MINK1: variants seen among roughly 807,000 people sequenced by gnomAD.
The protein encoded by MINK1 is misshapen like kinase 1, also known as misshapen-like kinase 1.
In MINK1, 46 loss-of-function variants were observed where a neutral mutation model predicts 178.4. That is an observed-to-expected ratio of 0.26 (90% CI 0.20 to 0.33). MINK1 has a LOEUF of 0.33. MINK1 is among the 10% of genes least tolerant of loss of function. The pLI is 1.00. For missense variants in MINK1, 1,366 were observed against 1,814.9 expected, an observed-to-expected ratio of 0.75 and a Z score of 4.49; for synonymous variants, 797 against 709.7, an observed-to-expected ratio of 1.12 and a Z score of -1.96.
At chr17:4,861,268 G>C (rs1914125931) in intron 1 of MINK1, among the ~76,000 whole-genome samples, 1 of 152,224 alleles carries the variant, frequency 6.6e-6, no homozygotes, top group African/African-American at 2.4e-5. Flanking sequence ...GGAGCTGCGA[G>C]AGACGAGACA....
At chr17:4,868,179 G>T (rs982505305) in intron 1 of MINK1, among the ~76,000 whole-genome samples, 1 of 152,144 alleles carries the variant, frequency 6.6e-6, no homozygotes, top group African/African-American at 2.4e-5. Context: ...GTTTCACCCA[G>T]TTGGCCAGGC....
chr17:4,889,317 G>C (rs1039287834), intron 12 of MINK1, among the ~76,000 whole-genome samples: 2 of 152,146 alleles, frequency 1.3e-5, no homozygotes, highest in African/African-American at 4.8e-5. Context: ...GTCGATTTTA[G>C]GCTAGGAGTG....
chr17:4,837,533 G>A (rs1159894744), intron 1 of MINK1, among the ~76,000 whole-genome samples: 1 of 152,222 alleles, frequency 6.6e-6, no homozygotes, highest in East Asian at 1.9e-4. Context: ...AGTAAAGTTA[G>A]GATCATCCAA....
In MINK1 at chr17:4,884,486, C is replaced by A. The variant is rs117155363; in HGVS notation, c.417+13C>A. On this transcript the variant is annotated intron_variant, in intron 5 of 31. Transcript: ENST00000355280. ...GGAGATCCTCAGGGTGAGCTCAAGG[C>A]CCCTCCCCTTGTCTTCTCCTCCGCT... 12,178 of 1,587,162 alleles carry A rather than the reference C, an allele frequency of 7.7e-3. 60 individuals are homozygous for A. Among genetic ancestry groups the A allele is most frequent in the Non-Finnish European group, 9.4e-3 (10,858 of 1,155,774 alleles).
At chr17:4,837,972 G>A (rs1441946673) in intron 1 of MINK1, among the ~76,000 whole-genome samples, 3 of 152,272 alleles carry the variant, frequency 2.0e-5, no homozygotes, top group Admixed American at 6.5e-5. Flanking sequence ...AGCACCACTC[G>A]GAAAGCTGGC....
At position 4,859,973 on chromosome 17, in the gene MINK1, G is replaced by A. The variant is rs1381442018; in HGVS notation, c.58-18344G>A. Among the ~76,000 whole-genome samples, 6 of 151,708 alleles carry A rather than the reference G, an allele frequency of 4.0e-5. No individual in the cohort carries two copies. In the South Asian group the frequency reaches 6.3e-4, roughly 16 times the overall value. ...GTACAGAGGGAAGGGGCGCGTCCGG[G>A]AACTACTTGCCGCATGCGGAGCGGG... is the stretch of plus-strand genomic sequence containing the variant. On this transcript the variant is annotated intron_variant, in intron 1 of 31. Coordinates refer to ENST00000355280, the MANE Select transcript of MINK1 (RefSeq NM_153827.5).
At chr17:4,849,927 C>T (rs1911670501) in intron 1 of MINK1, among the ~76,000 whole-genome samples, 1 of 152,138 alleles carries the variant, frequency 6.6e-6, no homozygotes, top group Non-Finnish European at 1.5e-5. Flanking sequence ...CCCTTCCCAT[C>T]TTGACCTCCC....
chr17:4,892,457 AC>A lies in MINK1; in HGVS notation c.2147del (p.Pro716GlnfsTer90). 1 of 1,556,684 alleles carries A rather than the reference AC, an allele frequency of 6.4e-7. No individual in the cohort carries two copies. On this transcript the variant is annotated frameshift_variant, in exon 18 of 32. Transcript: ENST00000355280. LOFTEE classifies it high-confidence loss of function. ...IYLQRRAERG[T>X]PKPPGPPAQP... The stretch of plus-strand genomic sequence containing the variant: ...TCTGCAAAGGCGGGCAGAGCGGGGC[AC>A]CCCAAAGCCTCCAGGGCCCCCTGCT...
Position 4,887,495 on chromosome 17 carries a change from C to A in MINK1, c.1020-85C>A. 3 of 1,266,206 alleles carry A rather than the reference C, an allele frequency of 2.4e-6. No individual in the cohort carries two copies. The highest frequency in any genetic ancestry group is 3.2e-6 in the Non-Finnish European group (3 of 934,086). 78.4% of individuals were successfully genotyped at this position (1,266,206 alleles called of 1,614,324 possible). On this transcript the variant is annotated intron_variant, in intron 11 of 31. Transcript: ENST00000355280. The surrounding 1 kb of genome is among the most constrained non-coding windows in gnomAD (Gnocchi z 7.6). ...GGCAGAGGCTTTGATCCAGTTAAAG[C>A]ACCCACTCAGGCGGGCCCACGGGGT...
rs897543992 is a variant in MINK1, at chr17:4,860,663, G to A, written c.58-17654G>A. 2.9e-5 allele frequency: 15 copies of A among 514,094 alleles called. No individual in the cohort carries two copies. In the East Asian group the frequency reaches 8.3e-4, roughly 28 times the overall value. 31.8% of individuals were successfully genotyped at this position (514,094 alleles called of 1,614,324 possible). On this transcript the variant is annotated intron_variant, in intron 1 of 31. Coordinates refer to ENST00000355280, the MANE Select transcript of MINK1 (RefSeq NM_153827.5). Reference sequence around the variant, plus strand: ...GTTTTTCCTCCAGGTAGGAGCTGTGGGAGGAGTCCAGGGAGTCCCTTGAGG... The same window carrying A: ...GTTTTTCCTCCAGGTAGGAGCTGTGAGAGGAGTCCAGGGAGTCCCTTGAGG...
At chr17:4,888,561 C>A (rs544739849) in intron 12 of MINK1, among the ~76,000 whole-genome samples, 8 of 151,996 alleles carry the variant, frequency 5.3e-5, no homozygotes, top group African/African-American at 1.9e-4. Context: ...TCGCTTGAAC[C>A]TGGGAGGTGG....
Position 4,891,713 on chromosome 17 carries a change from C to T in MINK1, c.1998C>T (p.Pro666=). The T allele has an allele frequency of 6.2e-7, 1 of 1,602,002 alleles. No homozygotes were observed. The highest frequency in any genetic ancestry group is 8.5e-7 in the Non-Finnish European group (1 of 1,174,848). ...AWVRPDNEAP[P]KVPQRTSSIA... Reference sequence around the variant, plus strand: ...TCCGCCCAGATAACGAGGCCCCACCCAAGGTAAGGACAGTTCTGCAGGCCC... The same window carrying T: ...TCCGCCCAGATAACGAGGCCCCACCTAAGGTAAGGACAGTTCTGCAGGCCC... Residue 666 remains proline, a synonymous_variant, in exon 16 of 32, where the codon CCC becomes CCT. Transcript: ENST00000355280.
At chr17:4,893,682 G>A in intron 21 of MINK1, 85 bp downstream of exon 21, 3 of 1,453,938 alleles carry the variant, frequency 2.1e-6, no homozygotes, top group Non-Finnish European at 2.7e-6. Context: ...GGGCTTTGGG[G>A]CAAGTCTGAG....
chr17:4,887,270 GGGTGGT>G lies in MINK1; in HGVS notation c.1019+94_1019+99del. On this transcript the variant is annotated intron_variant, in intron 11 of 31. Transcript: ENST00000355280. The surrounding 1 kb of genome is among the most constrained non-coding windows in gnomAD (Gnocchi z 7.6). ...TTGGCTTTGGGGACTCTCAGCCTGG[GGGTGGT>G]GGGCACAGAGAGGTAGAGACTCCTG... 7.5e-7 allele frequency: 1 copy of G among 1,337,556 alleles called. No individual in the cohort carries two copies. The highest frequency in any genetic ancestry group is 1.0e-6 in the Non-Finnish European group (1 of 956,356). 82.9% of individuals were successfully genotyped at this position (1,337,556 alleles called of 1,614,324 possible).
At chr17:4,881,097 G>A in intron 3 of MINK1, 35 bp from the exon 4 acceptor site, 2 of 1,536,804 alleles carry the variant, frequency 1.3e-6, no homozygotes, top group Non-Finnish European at 1.7e-6. Flanking sequence ...GAGTGTTGGG[G>A]GAGTCTCAGG....
intron 21 of MINK1, 59 bp from the exon 22 acceptor site, chr17:4,893,929 T>C (rs1857153436): frequency 4.3e-6 from 6 of 1,394,588 alleles, no homozygotes; most frequent in Non-Finnish European, 5.8e-6. Context: ...ATCTGCTGCC[T>C]TTGGCACTTC....
At chr17:4,860,051 T>C (rs564740261) in intron 1 of MINK1, among the ~76,000 whole-genome samples, 2 of 148,232 alleles carry the variant, frequency 1.3e-5, no homozygotes, top group South Asian at 2.1e-4. Flanking sequence ...CGGAGCGGGG[T>C]ACAGGGGGAA....
rs556925897 is a variant in MINK1, at chr17:4,893,535, G to C, written c.2502G>C (p.Glu834Asp). Residue 834 changes from glutamate to aspartate, a missense_variant, in exon 21 of 32, where the codon GAG becomes GAC. Around this residue, in one of 14 missense-constraint regions of MINK1, gnomAD observed 709 missense variants for 692.3 expected, o/e 1.02. Transcript: ENST00000355280. ...CCAGCGAGGAGGTGGAAAGCAGTGA[G>C]GACGACGAGGAGGAAGGCGAAGGCG... ...SSSSEEVESS[E>D]DDEEEGEGGP... The C allele has an allele frequency of 1.9e-6, 3 of 1,596,046 alleles. No homozygotes were observed. Among genetic ancestry groups the C allele is most frequent in the African/African-American group, 2.7e-5 (2 of 74,654 alleles).
intron 1 of MINK1, among the ~76,000 whole-genome samples, chr17:4,844,361 G>A (rs1470036091): frequency 6.6e-6 from 1 of 152,126 alleles, no homozygotes; most frequent in Non-Finnish European, 1.5e-5. Context: ...GGCTTTGTGG[G>A]CTTACTGAGG....
Sources: allele counts gnomAD v4.1 joint callset (sites outside exome capture counted in the v4.1 genomes callset), GRCh38; gene constraint gnomAD v4.1.1; regional missense constraint gnomAD v4.1.1; non-coding constraint Gnocchi (gnomAD v3.1); transcripts MANE v1.5; gene names NCBI Gene and HGNC (gene_info 2026-07-23, HGNC 2026-07-21).